LAMA2: variants seen among roughly 807,000 people sequenced by gnomAD.
LAMA2 encodes the protein laminin subunit alpha 2, also known as laminin subunit alpha-2.
In LAMA2, 269 loss-of-function variants were observed where a neutral mutation model predicts 364.8. The ratio of observed to expected loss-of-function variants is 0.74; its 90% CI spans 0.67 to 0.82. The LOEUF (loss-of-function observed/expected upper bound fraction) is 0.82. LAMA2 is among the 40% of genes least tolerant of loss of function. The probability of loss-of-function intolerance (pLI) is 0.00; values close to 1 mark genes in which losing one functional copy is unlikely to be tolerated. For synonymous variants in LAMA2, 1,379 were observed against 1,370.6 expected, an observed-to-expected ratio of 1.01 and a Z score of -0.14; for missense variants, 3,807 against 3,873.2, an observed-to-expected ratio of 0.98 and a Z score of 0.45.
intron 31 of LAMA2, among the ~76,000 whole-genome samples, chr6:129,351,721 T>G (rs1415846062): frequency 6.6e-6 from 1 of 152,198 alleles, no homozygotes; most frequent in East Asian, 1.9e-4. Flanking sequence ...TCAATACTCT[T>G]GTAATAAACT....
At chr6:129,139,373 C>T (rs113409097) in intron 4 of LAMA2, among the ~76,000 whole-genome samples, 5,711 of 152,064 alleles carry the variant, frequency 0.038, 370 homozygotes, top group African/African-American at 0.13. Flanking sequence ...GCATCTGTAC[C>T]GAACATGTGC....
At chr6:129,051,272 A>G (rs535036939) in intron 2 of LAMA2, among the ~76,000 whole-genome samples, 1 of 148,052 alleles carries the variant, frequency 6.8e-6, no homozygotes, top group South Asian at 2.1e-4. Flanking sequence ...TATATTATTT[A>G]TATTTATTTA....
chr6:129,468,475 T>C (rs1227058174), intron 51 of LAMA2, among the ~76,000 whole-genome samples: 2 of 151,882 alleles, frequency 1.3e-5, no homozygotes, highest in African/African-American at 4.8e-5. Flanking sequence ...AGCAGGTCAG[T>C]TAATATGTAT....
At chr6:129,232,921 G>A (rs538852564) in intron 12 of LAMA2, among the ~76,000 whole-genome samples, 3 of 152,204 alleles carry the variant, frequency 2.0e-5, no homozygotes, top group South Asian at 2.1e-4. Flanking sequence ...CTTTAAAGAT[G>A]GAGAGTCCCT....
rs562656178 is a variant in LAMA2 at position 128,974,937 on chromosome 6, C to T, written c.113-74981C>T. ...CACGATCTTGGTTCACTGCAAGCTC[C>T]GCCTCACGGGTTCACGCCATTCTCC... On this transcript the variant is annotated intron_variant, in intron 1 of 64. Transcript: ENST00000421865. Among the ~76,000 whole-genome samples the T allele has an allele frequency of 1.2e-4, 18 of 151,688 alleles. No homozygotes were observed. In the South Asian group the frequency reaches 1.9e-3, roughly 16 times the overall value.
chr6:129,290,863 T>C (rs1257865841), intron 19 of LAMA2, among the ~76,000 whole-genome samples: 1 of 152,188 alleles, frequency 6.6e-6, no homozygotes, highest in African/African-American at 2.4e-5. Context: ...TGTTTGGAGA[T>C]AGCATATAAA....
Position 129,427,869 on chromosome 6 carries a change from A to G in LAMA2, c.5968+15A>G, listed in dbSNP as rs772990245. 6.1e-6 allele frequency: 9 copies of G among 1,481,476 alleles called. No homozygotes were observed. The highest frequency in any genetic ancestry group is 8.5e-6 in the Non-Finnish European group (9 of 1,059,464). The allele number at this position is 1,481,476 out of a possible 1,614,324, so 91.8% of individuals were successfully genotyped here. A position where few individuals can be genotyped will look rare whatever the true frequency, so the allele number is the denominator to read the frequency against. On this transcript the variant is annotated intron_variant, in intron 41 of 64. Coordinates refer to ENST00000421865, the MANE Select transcript of LAMA2 (RefSeq NM_000426.4). ...TGATGTAAAAGGTCAGTGTGGCCAT[A>G]GTTTTTATTATATTCCAGTTAATCG...
chr6:129,151,270 T>C (rs1353567987), intron 7 of LAMA2, among the ~76,000 whole-genome samples: 1 of 152,186 alleles, frequency 6.6e-6, no homozygotes, highest in East Asian at 1.9e-4. Context: ...TTCTAAACAC[T>C]CTTGACAACA....
In LAMA2 at chr6:129,050,885, T is replaced by C. The variant is rs2114776048; in HGVS notation, c.283+797T>C. On this transcript the variant is annotated intron_variant, in intron 2 of 64. Transcript: ENST00000421865. ...TCTTTCCAGCCTCTATGAACCACAG[T>C]GATACCTCAGACTCATTGATGTATT... Among the ~76,000 whole-genome samples the C allele has an allele frequency of 2.0e-5, 3 of 152,248 alleles. No individual in the cohort carries two copies. In the South Asian group the frequency reaches 6.2e-4, roughly 32 times the overall value.
intron 1 of LAMA2, among the ~76,000 whole-genome samples, chr6:129,027,191 A>G (rs1785884567): frequency 6.6e-6 from 1 of 152,074 alleles, no homozygotes; most frequent in Non-Finnish European, 1.5e-5. Context: ...TCAGCTAGAC[A>G]CTGAGGAAGT....
At chr6:129,026,642 TCTC>T (rs1785845662) in intron 1 of LAMA2, among the ~76,000 whole-genome samples, 1 of 152,166 alleles carries the variant, frequency 6.6e-6, no homozygotes, top group Non-Finnish European at 1.5e-5. Flanking sequence ...CAGGTTTTAT[TCTC>T]TAGGTGTTTT....
chr6:129,063,502 G>C (rs992412832), intron 3 of LAMA2, among the ~76,000 whole-genome samples: 27 of 152,020 alleles, frequency 1.8e-4, no homozygotes, highest in African/African-American at 6.3e-4. Flanking sequence ...TGGCAGGCGG[G>C]GTAAAACAGA....
At chr6:129,138,644 A>G (rs933503931) in intron 4 of LAMA2, among the ~76,000 whole-genome samples, 1 of 152,284 alleles carries the variant, frequency 6.6e-6, no homozygotes, top group Non-Finnish European at 1.5e-5. Context: ...ATAACATTTA[A>G]AAATATTTCA....
At chr6:128,927,909 A>G (rs1023165853) in intron 1 of LAMA2, among the ~76,000 whole-genome samples, 2 of 151,020 alleles carry the variant, frequency 1.3e-5, no homozygotes, top group African/African-American at 4.8e-5. Context: ...CTTTAAAAAA[A>G]GTAATCAGCA....
In LAMA2 at chr6:129,138,684, A is replaced by G. The variant is rs116938081; in HGVS notation, c.640-5217A>G. 3.4e-3 allele frequency among the ~76,000 whole-genome samples: 520 copies of G among 152,256 alleles called. 3 individuals are homozygous for G. Among genetic ancestry groups the G allele is most frequent in the Middle Eastern group, 6.8e-3 (2 of 294 alleles). On this transcript the variant is annotated intron_variant, in intron 4 of 64. Coordinates refer to ENST00000421865, the MANE Select transcript of LAMA2 (RefSeq NM_000426.4). Reference sequence around the variant, plus strand: ...TCCATTGATTTGAATAAGATTCTTTAAATTACAGTGAAAGCTTTCTGATAA... The same window carrying G: ...TCCATTGATTTGAATAAGATTCTTTGAATTACAGTGAAAGCTTTCTGATAA...
chr6:129,187,290 TAAC>T (rs1390657158), intron 10 of LAMA2, among the ~76,000 whole-genome samples: 3 of 151,712 alleles, frequency 2.0e-5, no homozygotes, highest in Non-Finnish European at 4.4e-5. Flanking sequence ...TCATATATAT[TAAC>T]AAGCTAATAG....
intron 1 of LAMA2, among the ~76,000 whole-genome samples, chr6:129,027,871 A>G (rs1439230885): frequency 6.6e-6 from 1 of 151,830 alleles, no homozygotes; most frequent in Non-Finnish European, 1.5e-5. Flanking sequence ...AAGGTGTATC[A>G]GAGTGAGATT....
In LAMA2 at chr6:128,907,051, G is replaced by C. The variant is rs1401772544; in HGVS notation, c.112+23694G>C. Among the ~76,000 whole-genome samples, 4 of 115,148 alleles carry C rather than the reference G, an allele frequency of 3.5e-5. No individual in the cohort carries two copies. In the South Asian group the frequency reaches 1.2e-3, roughly 35 times the overall value. The allele number at this position is 115,148 out of a possible 152,430, so 75.5% of individuals were successfully genotyped here. ...TTGGTTACTGTAGACTTGTAGTATA[G>C]TTTGAAGTCAGGTAGTGTGATGCCT... On this transcript the variant is annotated intron_variant, in intron 1 of 64. Transcript: ENST00000421865.
At chr6:129,353,467 A>G (rs1459829096) in intron 32 of LAMA2, 110 bp downstream of exon 32, 11 of 804,972 alleles carry the variant, frequency 1.4e-5, no homozygotes, top group Middle Eastern at 3.5e-4. Flanking sequence ...TTTTTTTGCA[A>G]TAGTTATACT....
Sources: gnomAD v4.1 joint callset for allele counts (sites outside exome capture counted in the v4.1 genomes callset) on GRCh38, gnomAD v4.1.1 for gene constraint, MANE v1.5 for transcripts, NCBI Gene and HGNC (gene_info 2026-07-23, HGNC 2026-07-21) for gene names.